PARD3B: variants seen among roughly 807,000 people sequenced by gnomAD.
The protein encoded by PARD3B is partitioning defective 3 homolog B.
Under a neutral mutation model 130.2 loss-of-function variants are expected in PARD3B, and 103 were observed. That is an observed-to-expected ratio of 0.79 (90% CI 0.67 to 0.93). PARD3B has a LOEUF of 0.93. PARD3B is among the 40% of genes least tolerant of loss of function. The pLI, the probability that PARD3B is intolerant of heterozygous loss-of-function variation, is 0.00. For synonymous variants in PARD3B, 583 were observed against 553.2 expected, an observed-to-expected ratio of 1.05 and a Z score of -0.76; for missense variants, 1,609 against 1,499.2, an observed-to-expected ratio of 1.07 and a Z score of -1.21.
Position 205,008,368 on chromosome 2 carries a change from C to T in PARD3B, c.395-39213C>T, listed in dbSNP as rs374847597. On this transcript the variant is annotated intron_variant, in intron 3 of 22. Coordinates refer to ENST00000406610, the MANE Select transcript of PARD3B (RefSeq NM_001302769.2). ...CTTCTAATAGGAAAGTTTTAGGCTT[C>T]CTTTAACATAACTATTTTATTGAAG... Among the ~76,000 whole-genome samples the T allele has an allele frequency of 1.4e-3, 216 of 151,628 alleles. 1 individual carries two copies. Among genetic ancestry groups the T allele is most frequent in the African/African-American group, 4.8e-3 (200 of 41,332 alleles).
chr2:204,943,725 C>G lies in PARD3B; in HGVS notation c.223-21427C>G, dbSNP rs1488063472. 6.6e-6 allele frequency among the ~76,000 whole-genome samples: 1 copy of G among 152,122 alleles called. No individual in the cohort carries two copies. The highest frequency in any genetic ancestry group is 2.4e-5 in the African/African-American group (1 of 41,420). On this transcript the variant is annotated intron_variant, in intron 2 of 22. Transcript: ENST00000406610. This position sits in a 1 kb window ranked among gnomAD's most constrained non-coding sequence, Gnocchi z 4.2. ...AAGGCTGGTTTTGGCAAGCAGAGGA[C>G]AAATCCATCCTCTCTTCCTTGAGGG... is the stretch of plus-strand genomic sequence containing the variant.
intron 16 of PARD3B, among the ~76,000 whole-genome samples, chr2:205,298,795 A>G (rs551675018): frequency 6.6e-6 from 1 of 152,166 alleles, no homozygotes; most frequent in African/African-American, 2.4e-5. Context: ...AAGTTGTTTG[A>G]CCATAATCAA....
chr2:204,752,188 T>C (rs1033596221), intron 2 of PARD3B, among the ~76,000 whole-genome samples: 1 of 152,196 alleles, frequency 6.6e-6, no homozygotes, highest in Non-Finnish European at 1.5e-5. Context: ...TCTTTAAAAG[T>C]GTGGATTTTG....
chr2:205,254,076 T>G (rs2039968152), intron 16 of PARD3B, among the ~76,000 whole-genome samples: 1 of 136,778 alleles, frequency 7.3e-6, no homozygotes. Context: ...GTATCATTAG[T>G]TGTAGAGAAA....
intron 10 of PARD3B, among the ~76,000 whole-genome samples, chr2:205,151,852 G>A (rs1343543646): frequency 4.6e-5 from 7 of 152,160 alleles, no homozygotes; most frequent in Non-Finnish European, 8.8e-5. Flanking sequence ...TTTCTTCCTA[G>A]CCTGGATGGT....
intron 2 of PARD3B, among the ~76,000 whole-genome samples, chr2:204,803,701 C>T (rs964183574): frequency 1.3e-5 from 2 of 151,894 alleles, no homozygotes; most frequent in Admixed American, 6.6e-5. Context: ...ATCAAAAAAC[C>T]TACAACAGAT....
At chr2:205,539,363 C>G (rs1222637760) in intron 21 of PARD3B, among the ~76,000 whole-genome samples, 1 of 152,144 alleles carries the variant, frequency 6.6e-6, no homozygotes, top group Non-Finnish European at 1.5e-5. Flanking sequence ...CAATATATCA[C>G]TCATTTAATA....
intron 1 of PARD3B, among the ~76,000 whole-genome samples, chr2:204,581,099 A>G (rs916652618): frequency 1.3e-5 from 2 of 152,210 alleles, no homozygotes; most frequent in East Asian, 3.9e-4. Flanking sequence ...TTTTCAAACC[A>G]TAGACTATTA....
chr2:205,191,075 G>GGAAA (rs911711194), intron 14 of PARD3B, among the ~76,000 whole-genome samples: 60 of 97,728 alleles, frequency 6.1e-4, no homozygotes, highest in African/African-American at 2.1e-3. Context: ...GAAAGAAATA[G>GGAAA]AAAAAAAAAA....
At chr2:205,108,603 T>G (rs1703399786) in intron 5 of PARD3B, among the ~76,000 whole-genome samples, 1 of 152,124 alleles carries the variant, frequency 6.6e-6, no homozygotes, top group Admixed American at 6.5e-5. Flanking sequence ...CTCCTGTGCA[T>G]GCCCACTCCA....
Position 205,060,980 on chromosome 2 carries a change from T to G in PARD3B, c.504+13290T>G, listed in dbSNP as rs140148729. On this transcript the variant is annotated intron_variant, in intron 4 of 22. Transcript: ENST00000406610. Reference sequence around the variant, plus strand: ...GCATGAATGGGAAGCTTCAAGGGACTTTAGTGGTTGGAGCTTGACCAAATG... The same window carrying G: ...GCATGAATGGGAAGCTTCAAGGGACGTTAGTGGTTGGAGCTTGACCAAATG... 8.5e-3 allele frequency among the ~76,000 whole-genome samples: 1,287 copies of G among 152,170 alleles called. 9 individuals are homozygous for G. The highest frequency in any genetic ancestry group is 0.029 in the African/African-American group (1,190 of 41,512).
chr2:205,144,541 C>T (rs2033208741), intron 10 of PARD3B, among the ~76,000 whole-genome samples: 1 of 152,122 alleles, frequency 6.6e-6, no homozygotes, highest in Non-Finnish European at 1.5e-5. Flanking sequence ...GATTTGTCAT[C>T]TTCTATAAGA....
chr2:205,245,043 C>G (rs1318406620), intron 15 of PARD3B, among the ~76,000 whole-genome samples: 2 of 152,198 alleles, frequency 1.3e-5, no homozygotes, highest in Non-Finnish European at 2.9e-5. Context: ...TAGTATTGCT[C>G]TTTCCTCTCT....
At chr2:205,088,511 G>A (rs564325486) in intron 4 of PARD3B, among the ~76,000 whole-genome samples, 1 of 152,262 alleles carries the variant, frequency 6.6e-6, no homozygotes, top group East Asian at 1.9e-4. Flanking sequence ...GTTTTGCTCT[G>A]TTTTAAACCA....
intron 18 of PARD3B, among the ~76,000 whole-genome samples, chr2:205,386,681 G>T (rs1406659339): frequency 2.1e-5 from 3 of 143,512 alleles, no homozygotes; most frequent in Admixed American, 7.1e-5. Flanking sequence ...GAAGGATTCA[G>T]ATTTTTCAGT....
At chr2:205,025,154 G>A (rs893766459) in intron 3 of PARD3B, among the ~76,000 whole-genome samples, 3 of 152,186 alleles carry the variant, frequency 2.0e-5, no homozygotes, top group Non-Finnish European at 4.4e-5. Flanking sequence ...TATTAATGCC[G>A]ATTTTAGGTC....
chr2:204,718,188 G>C (rs1171269819), intron 2 of PARD3B, among the ~76,000 whole-genome samples: 2 of 152,096 alleles, frequency 1.3e-5, no homozygotes, highest in African/African-American at 4.8e-5. Context: ...GGTCGTGGGG[G>C]ATGGGAGGAG....
At chr2:205,173,393 A>G (rs781465000) in intron 12 of PARD3B, among the ~76,000 whole-genome samples, 4 of 152,174 alleles carry the variant, frequency 2.6e-5, no homozygotes, top group Non-Finnish European at 5.9e-5. Flanking sequence ...CTGGCTATGT[A>G]AGTACATACA....
intron 20 of PARD3B, among the ~76,000 whole-genome samples, chr2:205,465,441 G>C (rs925358607): frequency 1.3e-5 from 2 of 152,144 alleles, no homozygotes. Flanking sequence ...GTGCTATGCT[G>C]ACTATTCATT....
Sources: gnomAD v4.1 joint callset for allele counts (sites outside exome capture counted in the v4.1 genomes callset) on GRCh38, gnomAD v4.1.1 for gene constraint, Gnocchi (gnomAD v3.1) non-coding constraint, MANE v1.5 for transcripts, NCBI Gene and HGNC (gene_info 2026-07-23, HGNC 2026-07-21) for gene names.